Variants in TRIO observed in about 807,000 individuals in gnomAD.
The protein encoded by TRIO is trio Rho guanine nucleotide exchange factor.
TRIO carries 58 observed loss-of-function variants against 351.9 expected under a neutral mutation model. The observed-to-expected ratio is 0.16, with a 90% CI of 0.13 to 0.21. The LOEUF (loss-of-function observed/expected upper bound fraction) is 0.21. Ranked by LOEUF, TRIO falls within the 10% of genes least tolerant of loss-of-function variation. The pLI is 1.00. For missense variants in TRIO, 3,201 were observed against 4,027.8 expected (o/e 0.79, Z 5.56); for synonymous variants, 1,758 against 1,595.7 (o/e 1.10, Z -2.42).
chr5:14,248,447 C>T (rs1200704385), intron 1 of TRIO, among the ~76,000 whole-genome samples: 1 of 152,306 alleles, frequency 6.6e-6, no homozygotes, highest in South Asian at 2.1e-4. Flanking sequence ...GTGATTTGAT[C>T]CATTCGTTAC....
At chr5:14,207,584 G>T (rs1791624171) in intron 1 of TRIO, among the ~76,000 whole-genome samples, 1 of 149,272 alleles carries the variant, frequency 6.7e-6, no homozygotes, top group African/African-American at 2.5e-5. Flanking sequence ...GCATGCACCT[G>T]TAGTCCTAGC....
intron 31 of TRIO, among the ~76,000 whole-genome samples, chr5:14,402,236 T>G (rs981524060): frequency 1.1e-4 from 17 of 152,252 alleles, no homozygotes; most frequent in African/African-American, 4.1e-4. Context: ...CCAGACTAGC[T>G]ACAGTAGTAG....
intron 20 of TRIO, 34 bp from the exon 21 acceptor site, chr5:14,381,096 G>A: frequency 2.5e-6 from 4 of 1,600,822 alleles, no homozygotes; most frequent in Non-Finnish European, 3.4e-6. Context: ...GGAATGTGTA[G>A]CCCTCTGACT....
chr5:14,315,910 CT>C (rs1441667888), intron 8 of TRIO, among the ~76,000 whole-genome samples: 3 of 152,034 alleles, frequency 2.0e-5, no homozygotes, highest in Admixed American at 2.0e-4. Flanking sequence ...TTAAAACTAC[CT>C]TTTAAAGTTA....
In TRIO at chr5:14,473,849, G is replaced by T. The variant is rs1754854784; in HGVS notation, c.5980-145G>T. 9 of 638,558 alleles carry T rather than the reference G, an allele frequency of 1.4e-5. No individual in the cohort carries two copies. The South Asian group carries it at 1.9e-4, about 13-fold the overall frequency. 39.6% of individuals were successfully genotyped at this position (638,558 alleles called of 1,614,324 possible). On this transcript the variant is annotated intron_variant, in intron 39 of 56. Transcript: ENST00000344204. ...TCAGTTAAGGATACTTTTCATATCG[G>T]TTTTTTTTGTTTGTTTTTAGACAAA... is the stretch of plus-strand genomic sequence containing the variant.
intron 46 of TRIO, among the ~76,000 whole-genome samples, chr5:14,483,876 C>T (rs926696923): frequency 6.6e-6 from 1 of 152,248 alleles, no homozygotes; most frequent in South Asian, 2.1e-4. Flanking sequence ...GTGCGCCCAT[C>T]CCCTGGACGG....
chr5:14,232,232 C>T lies in TRIO; in HGVS notation c.158-38593C>T, dbSNP rs115824381. On this transcript the variant is annotated intron_variant, in intron 1 of 56. Transcript: ENST00000344204. ...ATTTCTGCCATATGGGGGCTTCTCCCGGTTCCGTGAGTGAGGCATGCCCTC... is the reference window on the plus strand; with the variant it reads ...ATTTCTGCCATATGGGGGCTTCTCCTGGTTCCGTGAGTGAGGCATGCCCTC... Among the ~76,000 whole-genome samples the T allele has an allele frequency of 3.2e-3, 482 of 152,262 alleles. 3 individuals are homozygous for T. Among genetic ancestry groups the T allele is most frequent in the African/African-American group, 0.011 (456 of 41,566 alleles).
rs55794433 is a variant in TRIO at position 14,355,016 on chromosome 5, G to A, written c.2047-3162G>A. ...TGCACAGCACCGCTTTTTCATCAGC[G>A]TCCAACTGAGGAGAGGAAGTTGGAA... On this transcript the variant is annotated intron_variant, in intron 11 of 56. Transcript: ENST00000344204. Among the ~76,000 whole-genome samples the A allele has an allele frequency of 3.5e-3, 533 of 152,262 alleles. 3 individuals are homozygous for A. The highest frequency in any genetic ancestry group is 0.012 in the African/African-American group (503 of 41,550).
intron 15 of TRIO, among the ~76,000 whole-genome samples, chr5:14,366,104 A>T (rs919110854): frequency 6.6e-6 from 1 of 152,014 alleles, no homozygotes; most frequent in Non-Finnish European, 1.5e-5. Context: ...TTTATTGTTT[A>T]AGCCCTCTCT....
chr5:14,373,412 C>T (rs1194625991), intron 18 of TRIO, among the ~76,000 whole-genome samples: 1 of 152,138 alleles, frequency 6.6e-6, no homozygotes, highest in African/African-American at 2.4e-5. Flanking sequence ...GCTCTAAATA[C>T]CATTTAACAC....
At chr5:14,205,312 A>G (rs147305270) in intron 1 of TRIO, among the ~76,000 whole-genome samples, 1 of 152,364 alleles carries the variant, frequency 6.6e-6, no homozygotes, top group East Asian at 1.9e-4. Context: ...ATCTAGAGAA[A>G]AGAAGAAAAT....
chr5:14,168,802 C>G (rs72740400), intron 1 of TRIO, among the ~76,000 whole-genome samples: 2 of 152,174 alleles, frequency 1.3e-5, no homozygotes, highest in African/African-American at 4.8e-5. Context: ...ATTTTAATTA[C>G]CAATACATGT....
intron 1 of TRIO, among the ~76,000 whole-genome samples, chr5:14,231,136 T>G (rs1196010911): frequency 6.6e-6 from 1 of 152,218 alleles, no homozygotes; most frequent in African/African-American, 2.4e-5. Context: ...CTAACAACCC[T>G]CTCGATCCTC....
chr5:14,179,921 A>G (rs533033655), intron 1 of TRIO, among the ~76,000 whole-genome samples: 2 of 151,340 alleles, frequency 1.3e-5, no homozygotes, highest in East Asian at 3.9e-4. Flanking sequence ...ACCAGTAGAA[A>G]CCTCGTCTCT....
At chr5:14,186,886 A>G (rs1007928458) in intron 1 of TRIO, among the ~76,000 whole-genome samples, 4 of 152,118 alleles carry the variant, frequency 2.6e-5, no homozygotes, top group Non-Finnish European at 4.4e-5. Flanking sequence ...CTAGTGATCA[A>G]TTTCTAATGA....
chr5:14,436,391 C>T (rs1052588516), intron 34 of TRIO, among the ~76,000 whole-genome samples: 25 of 152,290 alleles, frequency 1.6e-4, no homozygotes, highest in Non-Finnish European at 3.5e-4. Context: ...TCCCACAACA[C>T]GTGGGAATTC....
intron 3 of TRIO, among the ~76,000 whole-genome samples, chr5:14,281,478 A>G (rs1423853279): frequency 1.7e-4 from 20 of 117,838 alleles, no homozygotes; most frequent in African/African-American, 6.4e-4. Context: ...TACCTCCAAC[A>G]TTGGGGGTTA....
At chr5:14,356,205 T>G (rs1222142629) in intron 11 of TRIO, among the ~76,000 whole-genome samples, 1 of 152,246 alleles carries the variant, frequency 6.6e-6, no homozygotes, top group African/African-American at 2.4e-5. Flanking sequence ...ATATTTTATG[T>G]ATGTAAATAT....
chr5:14,398,455 G>A (rs1747796217), intron 29 of TRIO, among the ~76,000 whole-genome samples: 1 of 152,138 alleles, frequency 6.6e-6, no homozygotes, highest in South Asian at 2.1e-4. Flanking sequence ...CTGGGCTGAG[G>A]AAGCAGAGAG....
Sources: allele counts gnomAD v4.1 joint callset (sites outside exome capture counted in the v4.1 genomes callset), GRCh38; gene constraint gnomAD v4.1.1; transcripts MANE v1.5; gene names NCBI Gene and HGNC (gene_info 2026-07-23, HGNC 2026-07-21).